TRPM5: variants seen among roughly 807,000 people sequenced by gnomAD.
TRPM5 encodes MLSN1 and TRP-related.
A neutral mutation model predicts 124.9 loss-of-function variants in TRPM5; 121 were observed. That is an observed-to-expected ratio of 0.97 (90% CI 0.84 to 1.13). TRPM5 has a LOEUF of 1.13. Ranked by LOEUF, TRPM5 falls within the 50% of genes most tolerant of loss-of-function variation. The pLI, the probability that TRPM5 is intolerant of heterozygous loss-of-function variation, is 0.00. For synonymous variants in TRPM5, 781 were observed against 700.5 expected (o/e 1.11, Z -1.81); for missense variants, 1,643 against 1,589.1 (o/e 1.03, Z -0.58).
chr11:2,420,240 G>C lies in TRPM5; in HGVS notation c.631C>G (p.Gln211Glu), dbSNP rs200126412. 5.6e-6 allele frequency: 9 copies of C among 1,605,976 alleles called. No individual in the cohort carries two copies. In the Admixed American group the frequency reaches 1.5e-4, roughly 27 times the overall value. ...GTCTCACCCCCGTAGCCCGCCCTCT[G>C]CTCCGAGATGTGCTTCTCCAGCCTC... Residue 211 changes from glutamine (Q) to glutamate (E), a missense_variant, in exon 4 of 24, where the codon CAG (glutamine) becomes GAG (glutamate). Physicochemically the swap from Gln to Glu is conservative, Grantham distance 29. Transcript: ENST00000155858.
rs1462581231 is a variant in TRPM5, at chr11:2,418,299, GC to G, written c.773del (p.Gly258AlafsTer9). ...CTAGGGCAGCAAGCACATCGGCGATGCCCCCCGAGCCTACCAGGATCAGCCA... is the reference window on the plus strand; with the variant it reads ...CTAGGGCAGCAAGCACATCGGCGATGCCCCCGAGCCTACCAGGATCAGCCA... On this transcript the variant is annotated frameshift_variant, in exon 6 of 24. Transcript: ENST00000155858. LOFTEE classifies it high-confidence loss of function. The G allele has an allele frequency of 1.9e-6, 3 of 1,570,992 alleles. No individual in the cohort carries two copies. Among genetic ancestry groups the G allele is most frequent in the Non-Finnish European group, 1.7e-6 (2 of 1,159,538 alleles).
chr11:2,407,720 G>A (rs375700845), intron 19 of TRPM5, 39 bp downstream of exon 24: 46 of 1,606,948 alleles, frequency 2.9e-5, no homozygotes, highest in East Asian at 1.3e-4. Flanking sequence ...TGCTCCCTCC[G>A]CTCCAGGGCT....
exon 12 of TRPM5, chr11:2,414,115 C>T: frequency 6.3e-7 from 1 of 1,598,056 alleles, no homozygotes; most frequent in Non-Finnish European, 8.5e-7. Flanking sequence ...TGGCCAGGTG[C>T]AGGCAGGTGG....
At chr11:2,433,534 T>G in the TRPM5 span, among the ~76,000 whole-genome samples, 7 of 152,212 alleles carry the variant, frequency 4.6e-5, no homozygotes, top group Non-Finnish European at 1.0e-4. Flanking sequence ...GTGTGCTGTG[T>G]GTGGAGCGGG....
At chr11:2,414,312 C>T (rs1267462226) in intron 11 of TRPM5, 106 bp from the exon 17 acceptor site, 1 of 1,453,902 alleles carries the variant, frequency 6.9e-7, no homozygotes, top group African/African-American at 1.4e-5. Flanking sequence ...CAGCCGCACC[C>T]TGCGTTCAAC....
At chr11:2,434,889 G>A in the TRPM5 span, among the ~76,000 whole-genome samples, 5 of 152,168 alleles carry the variant, frequency 3.3e-5, no homozygotes, top group African/African-American at 4.8e-5. Flanking sequence ...GCACCACACC[G>A]CCACTCATCC....
chr11:2,438,544 G>A, the TRPM5 span, among the ~76,000 whole-genome samples: 2 of 152,188 alleles, frequency 1.3e-5, no homozygotes, highest in African/African-American at 4.8e-5. This position sits in a 1 kb window ranked among gnomAD's most constrained non-coding sequence, Gnocchi z 5.9. Context: ...GCATATGCCT[G>A]TAGTCCTAGC....
At chr11:2,439,649 TG>T in the TRPM5 span, among the ~76,000 whole-genome samples, 1 of 152,200 alleles carries the variant, frequency 6.6e-6, no homozygotes, top group Non-Finnish European at 1.5e-5. Flanking sequence ...CCAGTCAGAA[TG>T]GCCTTTGTTA....
At chr11:2,419,927 G>C (rs1273912261) in intron 4 of TRPM5, among the ~76,000 whole-genome samples, 1 of 151,760 alleles carries the variant, frequency 6.6e-6, no homozygotes, top group South Asian at 2.1e-4. Context: ...CTCTGACCAC[G>C]GCAAGGCCCA....
Position 2,407,741 on chromosome 11 carries a change from G to A in TRPM5, c.2936+18C>T. The A allele has an allele frequency of 6.2e-7, 1 of 1,612,518 alleles. No individual in the cohort carries two copies. Among genetic ancestry groups the A allele is most frequent in the East Asian group, 2.2e-5 (1 of 44,876 alleles). ...CTCCGCTCCAGGGCTCTCTCCTCCA[G>A]GGGTTGGGTGGAGTCACCTGAACAT... On this transcript the variant is annotated intron_variant, in intron 19 of 23. Coordinates refer to ENST00000155858, the Ensembl canonical transcript of TRPM5.
the TRPM5 span, among the ~76,000 whole-genome samples, chr11:2,434,084 T>C: frequency 6.6e-6 from 1 of 152,032 alleles, no homozygotes. Context: ...GTGCACTGTG[T>C]GTGTCTGTGT....
intron 7 of TRPM5, 77 bp downstream of exon 12, chr11:2,417,650 G>C (rs1488610210): frequency 8.3e-7 from 1 of 1,199,090 alleles, no homozygotes; most frequent in Non-Finnish European, 1.2e-6. Context: ...ACATTGGCCA[G>C]GCTGCCAAAC....
At chr11:2,421,319 G>T in intron 2 of TRPM5, 121 bp from the exon 8 acceptor site, 1 of 1,262,768 alleles carries the variant, frequency 7.9e-7, no homozygotes, top group Non-Finnish European at 1.1e-6. Context: ...GGTGGGTGCT[G>T]GGGAATGCCT....
intron 3 of TRPM5, among the ~76,000 whole-genome samples, 191 bp downstream of exon 8, chr11:2,420,841 C>G (rs1306272742): frequency 3.9e-5 from 6 of 152,194 alleles, no homozygotes; most frequent in Non-Finnish European, 8.8e-5. Flanking sequence ...GGTGAGGGCC[C>G]GCGCCACAGT....
exon 24 of TRPM5, chr11:2,404,851 C>A: frequency 8.6e-7 from 1 of 1,164,488 alleles, no homozygotes; most frequent in South Asian, 1.4e-5. Context: ...CTGGGGGGTT[C>A]CGCTGGAGGT....
chr11:2,411,826 G>A, intron 16 of TRPM5, 59 bp from the exon 22 acceptor site: 1 of 1,598,702 alleles, frequency 6.3e-7, no homozygotes, highest in Non-Finnish European at 8.5e-7. Flanking sequence ...GGCTTCCCCA[G>A]GGGCACACAG....
intron 20 of TRPM5, 47 bp downstream of exon 25, chr11:2,407,072 C>G (rs777908997): frequency 6.7e-7 from 1 of 1,490,774 alleles, no homozygotes; most frequent in Non-Finnish European, 8.9e-7. Flanking sequence ...CCCTGGGACC[C>G]GCCACCTCGG....
rs754571076 is a variant in TRPM5 at position 2,404,944 on chromosome 11, T to TC, written c.3490dup (p.Asp1164GlyfsTer136). 27 of 1,611,890 alleles carry TC rather than the reference T, an allele frequency of 1.7e-5. No homozygotes were observed. The Admixed American group carries it at 3.5e-4, about 21-fold the overall frequency. ...CGTGGCAGGCCAAGCAGCTCAGGTG[T>TC]CCGAGGGAGGCTGGCCAGCCCCGGG... On this transcript the variant is annotated frameshift_variant, in exon 24 of 24. Coordinates refer to ENST00000155858, the Ensembl canonical transcript of TRPM5. LOFTEE classifies it high-confidence loss of function.
the TRPM5 span, among the ~76,000 whole-genome samples, chr11:2,442,376 TACACACACACACACACACAC>T: frequency 1.1e-4 from 16 of 141,144 alleles, no homozygotes; most frequent in African/African-American, 3.6e-4. The surrounding 1 kb of genome is among the most constrained non-coding windows in gnomAD (Gnocchi z 5.9). Context: ...CATTCTTTGA[TACACACACACACACACACAC>T]ACACACACAC....
Sources: allele counts gnomAD v4.1 joint callset (sites outside exome capture counted in the v4.1 genomes callset), GRCh38; gene constraint gnomAD v4.1.1; non-coding constraint Gnocchi (gnomAD v3.1); transcripts MANE v1.5; gene names NCBI Gene and HGNC (gene_info 2026-07-23, HGNC 2026-07-21).